ENTPD7: variants seen among roughly 807,000 people sequenced by gnomAD.
ENTPD7 encodes NTPDase 7.
Under a neutral mutation model 77.9 loss-of-function variants are expected in ENTPD7, and 53 were observed. The observed-to-expected ratio is 0.68, with a 90% CI of 0.55 to 0.85. The LOEUF (loss-of-function observed/expected upper bound fraction) is 0.85. Among genes scored for constraint, ENTPD7 ranks in the 40% least tolerant of loss-of-function variants. The pLI, the probability that ENTPD7 is intolerant of heterozygous loss-of-function variation, is 0.00. For synonymous variants in ENTPD7, 248 were observed against 274.9 expected, an observed-to-expected ratio of 0.90 and a Z score of 0.97; for missense variants, 636 against 743.7, an observed-to-expected ratio of 0.86 and a Z score of 1.68.
chr10:99,661,624 G>T lies in ENTPD7; in HGVS notation c.187G>T (p.Glu63Ter). Residue 63 changes from glutamate to a stop codon, truncating the protein, a stop_gained, in exon 3 of 13, where the codon GAA becomes TAA. Transcript: ENST00000370489. LOFTEE classifies it high-confidence loss of function. ...SASLPRDRQY[E>*]RYLARVGELE... ...TTCATTACCACGAGATAGGCAATAC[G>T]AAAGGTGAGTCAGCTTTAGATTTTG... 1 of 1,603,036 alleles carries T rather than the reference G, an allele frequency of 6.2e-7. No homozygotes were observed. The highest frequency in any genetic ancestry group is 8.5e-7 in the Non-Finnish European group (1 of 1,175,590).
In ENTPD7 at chr10:99,709,796, T is replaced by G; in HGVS notation, c.*5113T>G. ...CTTGTGTTATTACACATTTCTCTTTTGCTCTAATATTTCATTATTTTCCAG... is the reference window on the plus strand; with the variant it reads ...CTTGTGTTATTACACATTTCTCTTTGGCTCTAATATTTCATTATTTTCCAG... On this transcript the variant is annotated 3_prime_UTR_variant, in exon 13 of 13. Transcript: ENST00000370489. 1 of 985,384 alleles carries G rather than the reference T, an allele frequency of 1.0e-6. No individual in the cohort carries two copies. The highest frequency in any genetic ancestry group is 1.2e-6 in the Non-Finnish European group (1 of 829,878). 61.0% of individuals were successfully genotyped at this position (985,384 alleles called of 1,614,324 possible).
chr10:99,669,219 A>G (rs537811505), intron 3 of ENTPD7, among the ~76,000 whole-genome samples: 8 of 152,128 alleles, frequency 5.3e-5, no homozygotes, highest in Non-Finnish European at 8.8e-5. Context: ...GCATTGCTTT[A>G]ATTAGAAATG....
chr10:99,665,497 C>T (rs2035537919), intron 3 of ENTPD7, among the ~76,000 whole-genome samples: 1 of 152,132 alleles, frequency 6.6e-6, no homozygotes. Context: ...TTCCCATTCA[C>T]TTTGGTCATT....
rs192285855 is a variant in ENTPD7, at chr10:99,702,006, G to A, written c.1422-506G>A. 4.1e-3 allele frequency among the ~76,000 whole-genome samples: 623 copies of A among 151,628 alleles called. 2 individuals are homozygous for A. The highest frequency in any genetic ancestry group is 5.8e-3 in the Non-Finnish European group (395 of 67,952). On this transcript the variant is annotated intron_variant, in intron 11 of 12. Coordinates refer to ENST00000370489, the MANE Select transcript of ENTPD7 (RefSeq NM_020354.5). ...GGAGGTTGTAGTGAGCTGAGATCGCGCCACTGCACTCCAGCGTGGGTGACA... is the reference window on the plus strand; with the variant it reads ...GGAGGTTGTAGTGAGCTGAGATCGCACCACTGCACTCCAGCGTGGGTGACA...
At chr10:99,691,843 A>G (rs2035888361) in intron 8 of ENTPD7, among the ~76,000 whole-genome samples, 1 of 152,254 alleles carries the variant, frequency 6.6e-6, no homozygotes. Flanking sequence ...TGCTGAGGAT[A>G]AACATGATAA....
chr10:99,659,734 T>G lies in ENTPD7; in HGVS notation c.-95-128T>G. ...CCGCTCCCAGGATGCCCGGGTAGGG[T>G]CCCCTGGGCCTGAGGAACCAGAGCA... On this transcript the variant is annotated intron_variant, in intron 1 of 12. Transcript: ENST00000370489. This position sits in a 1 kb window ranked among gnomAD's most constrained non-coding sequence, Gnocchi z 4.1. The G allele has an allele frequency of 3.8e-6, 2 of 527,244 alleles. No individual in the cohort carries two copies. The highest frequency in any genetic ancestry group is 6.6e-6 in the Non-Finnish European group (2 of 302,492). The allele number at this position is 527,244 out of a possible 1,614,324, so 32.7% of individuals were successfully genotyped here.
At position 99,710,076 on chromosome 10, in the gene ENTPD7, A is replaced by G; in HGVS notation, c.*5393A>G. 1 of 985,424 alleles carries G rather than the reference A, an allele frequency of 1.0e-6. No individual in the cohort carries two copies. The highest frequency in any genetic ancestry group is 1.2e-6 in the Non-Finnish European group (1 of 829,928). 61.0% of individuals were successfully genotyped at this position (985,424 alleles called of 1,614,324 possible). On this transcript the variant is annotated 3_prime_UTR_variant, in exon 13 of 13. Transcript: ENST00000370489. ...CATGACTTCAGGCTAGCATAAAGAC[A>G]TGTCTGCTCCTGAGCCTCTTCTTTT...
At chr10:99,696,243 C>T in intron 9 of ENTPD7, 121 bp downstream of exon 9, 1 of 1,200,538 alleles carries the variant, frequency 8.3e-7, no homozygotes, top group South Asian at 1.5e-5. Flanking sequence ...TCTGACTACC[C>T]CTGCCAATGG....
intron 3 of ENTPD7, among the ~76,000 whole-genome samples, chr10:99,665,937 T>C (rs1381294908): frequency 6.6e-6 from 1 of 152,218 alleles, no homozygotes; most frequent in Non-Finnish European, 1.5e-5. Context: ...GAGACCTAAA[T>C]CCATAATTTG....
Position 99,710,087 on chromosome 10 carries a change from T to C in ENTPD7, c.*5404T>C. 1 of 985,442 alleles carries C rather than the reference T, an allele frequency of 1.0e-6. No homozygotes were observed. The highest frequency in any genetic ancestry group is 1.2e-6 in the Non-Finnish European group (1 of 829,934). The allele number at this position is 985,442 out of a possible 1,614,324, so 61.0% of individuals were successfully genotyped here. On this transcript the variant is annotated 3_prime_UTR_variant, in exon 13 of 13. Coordinates refer to ENST00000370489, the MANE Select transcript of ENTPD7 (RefSeq NM_020354.5). ...GCTAGCATAAAGACATGTCTGCTCC[T>C]GAGCCTCTTCTTTTAAAGGGCAACC...
At chr10:99,679,615 A>G in intron 4 of ENTPD7, 110 bp from the exon 5 acceptor site, 1 of 1,461,428 alleles carries the variant, frequency 6.8e-7, no homozygotes, top group Admixed American at 2.3e-5. Flanking sequence ...CCTCTCAAAT[A>G]AATAAATGTT....
Position 99,685,838 on chromosome 10 carries a change from G to C in ENTPD7, c.595G>C (p.Glu199Gln). 6.2e-7 allele frequency: 1 copy of C among 1,613,916 alleles called. No individual in the cohort carries two copies. The highest frequency in any genetic ancestry group is 8.5e-7 in the Non-Finnish European group (1 of 1,179,962). ...LADLVKDLPL[E>Q]FDFLFSQSQA... ...TGACCTAGTGAAAGATTTACCACTG[G>C]AGTTTGACTTCCTCTTTTCACAGTC... Residue 199 changes from glutamate (E) to glutamine (Q), a missense_variant, in exon 6 of 13, where the codon GAG becomes CAG. Transcript: ENST00000370489.
intron 3 of ENTPD7, among the ~76,000 whole-genome samples, chr10:99,669,857 C>G (rs552268445): frequency 1.5e-4 from 21 of 137,236 alleles, no homozygotes; most frequent in Non-Finnish European, 2.7e-4. Flanking sequence ...TCACGCCATT[C>G]TCCTGCCTCA....
intron 3 of ENTPD7, among the ~76,000 whole-genome samples, chr10:99,667,378 G>A (rs1223515522): frequency 6.6e-6 from 1 of 152,174 alleles, no homozygotes; most frequent in African/African-American, 2.4e-5. Context: ...TGAACTCAAG[G>A]AGTTCGTAAT....
At chr10:99,701,769 C>T (rs556927615) in intron 11 of ENTPD7, among the ~76,000 whole-genome samples, 6 of 151,718 alleles carry the variant, frequency 4.0e-5, no homozygotes, top group African/African-American at 1.2e-4. Context: ...TTAAAATTGC[C>T]GGGCATGGTG....
At chr10:99,679,970 C>A (rs1335205923) in intron 5 of ENTPD7, 95 bp downstream of exon 5, 1 of 1,395,444 alleles carries the variant, frequency 7.2e-7, no homozygotes, top group African/African-American at 1.4e-5. Context: ...CTGGTCTATA[C>A]CCCTAAACCC....
intron 3 of ENTPD7, among the ~76,000 whole-genome samples, chr10:99,663,618 C>A (rs878875738): frequency 1.3e-5 from 2 of 152,048 alleles, no homozygotes; most frequent in African/African-American, 2.4e-5. Context: ...TGCCATCATA[C>A]CTGGCTAATT....
rs1289247058 is a variant in ENTPD7, at chr10:99,704,501, C to T, written c.1633C>T (p.Leu545Phe). 1.2e-5 allele frequency: 20 copies of T among 1,614,094 alleles called. No homozygotes were observed. Among genetic ancestry groups the T allele is most frequent in the Non-Finnish European group, 1.5e-5 (18 of 1,180,034 alleles). The part of the protein sequence containing the change: ...VRQAHGSWFR[L>F]SFVYNHYLFF... ...ACAAGCCCATGGTAGCTGGTTCCGT[C>T]TCTCCTTTGTATACAACCACTATCT... The change falls in exon 13 of 13, where the codon CTC (leucine) becomes TTC (phenylalanine). Residue 545 changes from leucine (L) to phenylalanine (F), a missense_variant. Leu to Phe is a conservative substitution (Grantham distance 22, BLOSUM62 0). Transcript: ENST00000370489.
Position 99,698,871 on chromosome 10 carries a change from T to C in ENTPD7, c.1335+13T>C. On this transcript the variant is annotated intron_variant, in intron 10 of 12. Coordinates refer to ENST00000370489, the MANE Select transcript of ENTPD7 (RefSeq NM_020354.5). ...CAAGGCTGCTCAGGTAAATTATTAATGATAAACATGGCTTATGCTGGCAGC... is the reference window on the plus strand; with the variant it reads ...CAAGGCTGCTCAGGTAAATTATTAACGATAAACATGGCTTATGCTGGCAGC... The C allele has an allele frequency of 6.3e-7, 1 of 1,577,250 alleles. No homozygotes were observed. The highest frequency in any genetic ancestry group is 8.6e-7 in the Non-Finnish European group (1 of 1,161,244).
Sources: allele counts gnomAD v4.1 joint callset (sites outside exome capture counted in the v4.1 genomes callset), GRCh38; gene constraint gnomAD v4.1.1; non-coding constraint Gnocchi (gnomAD v3.1); transcripts MANE v1.5; gene names NCBI Gene and HGNC (gene_info 2026-07-23, HGNC 2026-07-21).